Variants in POLL observed in about 807,000 individuals in gnomAD.
POLL encodes DNA polymerase beta-2.
POLL carries 44 observed loss-of-function variants against 58.1 expected under a neutral mutation model. The ratio of observed to expected loss-of-function variants is 0.76; its 90% CI spans 0.60 to 0.97. The LOEUF is 0.97. Ranked by LOEUF, POLL falls within the 50% of genes least tolerant of loss-of-function variation. The pLI is 0.00. For synonymous variants in POLL, 290 were observed against 283.2 expected (o/e 1.02, Z -0.24); for missense variants, 632 against 736.8 (o/e 0.86, Z 1.65).
At chr10:101,583,469 C>T (rs1158278104) in intron 6 of POLL, 39 bp downstream of exon 6, 25 of 1,608,008 alleles carry the variant, frequency 1.6e-5, no homozygotes, top group Non-Finnish European at 1.9e-5. Flanking sequence ...AACTCTGAGA[C>T]ACAGCAAAAC....
rs143224710 is a variant in POLL, at chr10:101,583,508, C to G, written c.1065G>C (p.Gln355His). Residue 355 changes from glutamine (Q) to histidine (H), a missense_variant and splice_region_variant, in exon 6 of 9, where the codon CAG (glutamine) becomes CAC (histidine). Transcript: ENST00000370162. Reference protein sequence around the residue: ...GTKTAQMWYQQGFRSLEDIRS... With the variant: ...GTKTAQMWYQHGFRSLEDIRS... ...AGTAGGGGCTGAGCCAGGGTGTGAC[C>G]TGTTGGTACCACATCTGGGCAGTCT... 12 of 1,612,506 alleles carry G rather than the reference C, an allele frequency of 7.4e-6. No individual in the cohort carries two copies. Among genetic ancestry groups the G allele is most frequent in the Non-Finnish European group, 1.0e-5 (12 of 1,180,014 alleles).
rs564365120 is a variant in POLL, at chr10:101,584,776, C to T, written c.717G>A (p.Trp239Ter). ...TCTGGCTTGAGGGCTGTGCACAGAC[C>T]CACTTATCCAGGACAGCAGGGGCTG... The part of the protein sequence containing the change: ...PSPAPAVLDK[W>*]VCAQPSSQKA... Residue 239 changes from tryptophan to a stop codon, truncating the protein, a stop_gained, in exon 5 of 9, where the codon TGG becomes TGA. Coordinates refer to ENST00000370162, the MANE Select transcript of POLL (RefSeq NM_001174084.2). LOFTEE classifies it high-confidence loss of function. The T allele has an allele frequency of 1.2e-6, 2 of 1,611,958 alleles. No individual in the cohort carries two copies. Among genetic ancestry groups the T allele is most frequent in the South Asian group, 2.2e-5 (2 of 90,728 alleles).
chr10:101,582,619 A>C (rs777200462), intron 7 of POLL, 144 bp downstream of exon 7: 6 of 844,998 alleles, frequency 7.1e-6, no homozygotes, highest in Non-Finnish European at 9.6e-6. Context: ...TTCAGTCTTA[A>C]CTTGCTCTGT....
chr10:101,583,788 G>A (rs2063139358), intron 5 of POLL, 107 bp from the exon 6 acceptor site: 1 of 962,474 alleles, frequency 1.0e-6, no homozygotes, highest in Admixed American at 2.1e-5. Flanking sequence ...ATAAAAGCCA[G>A]CCTGGCTGCT....
chr10:101,583,427 T>C, intron 6 of POLL, 81 bp downstream of exon 6: 2 of 1,472,878 alleles, frequency 1.4e-6, no homozygotes, highest in Non-Finnish European at 1.9e-6. Context: ...CATAGGGATC[T>C]GGGGCAGAGC....
At position 101,585,748 on chromosome 10, in the gene POLL, A is replaced by T. The variant is rs2063289920; in HGVS notation, c.410+114T>A. ...CTCTTATAGCTGGGACTACAGGCAC[A>T]CCCCACCATGCCTGGCTAATTTTTT... On this transcript the variant is annotated intron_variant, in intron 3 of 8. Coordinates refer to ENST00000370162, the MANE Select transcript of POLL (RefSeq NM_001174084.2). 1.5e-5 allele frequency: 15 copies of T among 993,186 alleles called. No individual in the cohort carries two copies. In the Admixed American group the frequency reaches 4.4e-4, roughly 29 times the overall value. The allele number at this position is 993,186 out of a possible 1,614,324, so 61.5% of individuals were successfully genotyped here. A position where few individuals can be genotyped will look rare whatever the true frequency, so the allele number is the denominator to read the frequency against.
At chr10:101,587,623 T>C in intron 1 of POLL, 199 bp downstream of exon 1, 1 of 1,018,404 alleles carries the variant, frequency 9.8e-7, no homozygotes, top group South Asian at 1.7e-5. Context: ...GGAAGGCTGG[T>C]GCCATCGGGG....
At position 101,586,024 on chromosome 10, in the gene POLL, A is replaced by G; in HGVS notation, c.248T>C (p.Ile83Thr). 1.2e-6 allele frequency: 2 copies of G among 1,613,982 alleles called. No homozygotes were observed. The highest frequency in any genetic ancestry group is 8.5e-7 in the Non-Finnish European group (1 of 1,179,968). ...CPAQGPGVTHIVVDEGMDYER... is the reference protein window; with the variant it reads ...CPAQGPGVTHTVVDEGMDYER... ...ATAGTCCATGCCTTCATCCACCACAATGTGAGTGACACCTGGGCCCTGGGC... is the reference window on the plus strand; with the variant it reads ...ATAGTCCATGCCTTCATCCACCACAGTGTGAGTGACACCTGGGCCCTGGGC... The change falls in exon 3 of 9, where the codon ATT becomes ACT. Residue 83 changes from isoleucine to threonine, a missense_variant. By Grantham distance (89) the Ile-to-Thr change is moderately conservative. Coordinates refer to ENST00000370162, the MANE Select transcript of POLL (RefSeq NM_001174084.2).
chr10:101,587,424 G>T lies in POLL; in HGVS notation c.-46-18C>A. The stretch of plus-strand genomic sequence containing the variant: ...CAGGGCTGCTGCACGTGGAAATCCA[G>T]AATTGAGGCCCTCCAACCCCTTTGC... On this transcript the variant is annotated intron_variant, in intron 1 of 8. Coordinates refer to ENST00000370162, the MANE Select transcript of POLL (RefSeq NM_001174084.2). 2 of 1,603,204 alleles carry T rather than the reference G, an allele frequency of 1.2e-6. No individual in the cohort carries two copies. Among genetic ancestry groups the T allele is most frequent in the Non-Finnish European group, 1.7e-6 (2 of 1,175,392 alleles).
intron 7 of POLL, chr10:101,582,375 T>TAAA: frequency 6.0e-6 from 1 of 167,864 alleles, no homozygotes; most frequent in Non-Finnish European, 1.3e-5. Flanking sequence ...GTTGGTGAAA[T>TAAA]AAAAAAAAAA....
intron 7 of POLL, among the ~76,000 whole-genome samples, chr10:101,582,469 A>G (rs545466371): frequency 6.4e-4 from 98 of 152,186 alleles, no homozygotes; most frequent in Non-Finnish European, 1.3e-3. Context: ...TAACCCTAAC[A>G]TTAACCCAAT....
Position 101,582,764 on chromosome 10 carries a change from G to A in POLL, c.1193C>T (p.Thr398Ile). 3 of 1,613,852 alleles carry A rather than the reference G, an allele frequency of 1.9e-6. No individual in the cohort carries two copies. The highest frequency in any genetic ancestry group is 2.5e-6 in the Non-Finnish European group (3 of 1,179,728). The change falls in exon 7 of 9, where the codon ACA (threonine) becomes ATA (isoleucine). Residue 398 changes from threonine to isoleucine, a missense_variant and splice_region_variant. Transcript: ENST00000370162. ...CACTGCTCTGGGACACCTGCTTACT[G>A]TCTGCTCAATCTCTGTAGCCTCCTC... ...PREEATEIEQ[T>I]VQKAAQAFNS... is the part of the protein sequence containing the mutation.
rs778903976 is a variant in POLL at position 101,585,333 on chromosome 10, G to A, written c.556C>T (p.Pro186Ser). The A allele has an allele frequency of 6.3e-7, 1 of 1,578,500 alleles. No individual in the cohort carries two copies. The highest frequency in any genetic ancestry group is 1.2e-5 in the South Asian group (1 of 84,902). ...CTCCTGACCTGGGCTTGGGTGTTTG[G>A]TGCCTCTTTTGCCTTTTGGGGAGGA... Reference protein sequence around the residue: ...VSPPQKAKEAPNTQAQPISDD... With the variant: ...VSPPQKAKEASNTQAQPISDD... The change falls in exon 4 of 9, where the codon CCA becomes TCA. Residue 186 changes from proline (P) to serine (S), a missense_variant. Pro to Ser is a moderately conservative substitution (Grantham distance 74). Transcript: ENST00000370162.
intron 5 of POLL, 89 bp downstream of exon 5, chr10:101,584,513 T>C: frequency 1.1e-6 from 1 of 910,514 alleles, no homozygotes; most frequent in South Asian, 2.8e-5. Context: ...CTAGACCCCA[T>C]AAAATCTTCA....
At chr10:101,582,487 C>G (rs1387088985) in intron 7 of POLL, among the ~76,000 whole-genome samples, 3 of 152,206 alleles carry the variant, frequency 2.0e-5, no homozygotes, top group African/African-American at 7.2e-5. Flanking sequence ...AATCCTAACA[C>G]CAATCAGTCT....
chr10:101,583,217 C>T (rs1478756626), intron 6 of POLL: 6 of 597,440 alleles, frequency 1.0e-5, no homozygotes, highest in East Asian at 2.8e-5. Context: ...GCTCTAGACA[C>T]GCAGTGTCAA....
At chr10:101,585,044 G>A in intron 4 of POLL, 125 bp from the exon 5 acceptor site, 1 of 707,962 alleles carries the variant, frequency 1.4e-6, no homozygotes. Context: ...AATGAGGCGG[G>A]GCCTTCTGCA....
rs2062839159 is a variant in POLL, at chr10:101,579,153, C to T, written c.*300G>A. On this transcript the variant is annotated 3_prime_UTR_variant, in exon 9 of 9. Transcript: ENST00000370162. The surrounding 1 kb of genome is among the most constrained non-coding windows in gnomAD (Gnocchi z 4.4). ...GATACCTGGGGCTTCAAACCAGCCACCTGCTCCTGCTTAAAATGGGGCAAG... is the reference window on the plus strand; with the variant it reads ...GATACCTGGGGCTTCAAACCAGCCATCTGCTCCTGCTTAAAATGGGGCAAG... 2 of 390,894 alleles carry T rather than the reference C, an allele frequency of 5.1e-6. No homozygotes were observed. Among genetic ancestry groups the T allele is most frequent in the African/African-American group, 4.0e-5 (2 of 49,666 alleles). 24.2% of individuals were successfully genotyped at this position (390,894 alleles called of 1,614,324 possible).
intron 7 of POLL, among the ~76,000 whole-genome samples, chr10:101,582,386 GATAAA>G (rs1354404848): frequency 6.6e-6 from 1 of 151,870 alleles, no homozygotes; most frequent in East Asian, 1.9e-4. Flanking sequence ...AAAAAAAAAA[GATAAA>G]ATAAAATATT....
Sources: allele counts gnomAD v4.1 joint callset (sites outside exome capture counted in the v4.1 genomes callset), GRCh38; gene constraint gnomAD v4.1.1; non-coding constraint Gnocchi (gnomAD v3.1); transcripts MANE v1.5; gene names NCBI Gene and HGNC (gene_info 2026-07-23, HGNC 2026-07-21).